KIF1B: variants seen among roughly 807,000 people sequenced by gnomAD.
KIF1B encodes kinesin-like protein KIF1B.
KIF1B carries 76 observed loss-of-function variants against 241.9 expected under a neutral mutation model. That is an observed-to-expected ratio of 0.31 (90% confidence interval 0.26 to 0.38). KIF1B has a LOEUF of 0.38. Among genes scored for constraint, KIF1B ranks in the 10% least tolerant of loss-of-function variants. The pLI, the probability that KIF1B is intolerant of heterozygous loss-of-function variation, is 1.00. For synonymous variants in KIF1B, 750 were observed against 796.7 expected (o/e 0.94, Z 0.99); for missense variants, 1,622 against 2,271.4 (o/e 0.71, Z 5.81).
intron 17 of KIF1B, among the ~76,000 whole-genome samples, chr1:10,293,194 T>C (rs1480846181): frequency 6.6e-6 from 1 of 152,072 alleles, no homozygotes; most frequent in East Asian, 1.9e-4. Flanking sequence ...AAGTATTTTA[T>C]ATGTTTATAT....
chr1:10,275,047 A>G (rs952269473), intron 10 of KIF1B: 1 of 332,426 alleles, frequency 3.0e-6, no homozygotes, highest in African/African-American at 2.2e-5. Context: ...TTAGGGGTAA[A>G]TGGAGATGAG....
At chr1:10,259,263 G>A (rs769516548) in intron 4 of KIF1B, among the ~76,000 whole-genome samples, 1 of 148,570 alleles carries the variant, frequency 6.7e-6, no homozygotes. Context: ...TTCATTATTC[G>A]TTTCACTTAG....
At chr1:10,248,565 G>A (rs942140991) in intron 2 of KIF1B, among the ~76,000 whole-genome samples, 2 of 152,076 alleles carry the variant, frequency 1.3e-5, no homozygotes, top group African/African-American at 2.4e-5. Flanking sequence ...CCAGATACTG[G>A]GACTCATCGA....
chr1:10,296,505 C>A, intron 19 of KIF1B, 77 bp from the exon 20 acceptor site: 1 of 1,219,456 alleles, frequency 8.2e-7, no homozygotes, highest in Non-Finnish European at 1.2e-6. Context: ...ACTGCAAATC[C>A]TGATAAGCAA....
intron 2 of KIF1B, among the ~76,000 whole-genome samples, chr1:10,234,022 T>C (rs1258964397): frequency 1.3e-5 from 2 of 152,178 alleles, no homozygotes; most frequent in Non-Finnish European, 2.9e-5. Context: ...GAGGGTTGTT[T>C]TCAGCACAAT....
At chr1:10,292,887 A>T (rs896287289) in intron 17 of KIF1B, among the ~76,000 whole-genome samples, 1 of 152,198 alleles carries the variant, frequency 6.6e-6, no homozygotes, top group Non-Finnish European at 1.5e-5. Flanking sequence ...GCCACTAGTA[A>T]ATTGTCCTTT....
At chr1:10,283,206 C>CAAAAA (rs33994771) in intron 15 of KIF1B, among the ~76,000 whole-genome samples, 24 of 61,562 alleles carry the variant, frequency 3.9e-4, no homozygotes, top group Non-Finnish European at 4.8e-4. Flanking sequence ...GACTCCGTCT[C>CAAAAA]AAAAAAAAAA....
In KIF1B at chr1:10,345,963, A is replaced by G. The variant is rs1474381200; in HGVS notation, c.3797+10A>G. On this transcript the variant is annotated intron_variant, in intron 35 of 48. Coordinates refer to ENST00000676179, the MANE Select transcript of KIF1B (RefSeq NM_001365951.3). The stretch of plus-strand genomic sequence containing the variant: ...TGGAGCCTACAGGAGAGTAAGTCCA[A>G]CTTAATAAATTTTTAAATAAGGCAA... 2 of 1,564,792 alleles carry G rather than the reference A, an allele frequency of 1.3e-6. No individual in the cohort carries two copies. Among genetic ancestry groups the G allele is most frequent in the Non-Finnish European group, 8.8e-7 (1 of 1,135,408 alleles).
At chr1:10,320,715 C>CTTATTTAT (rs58385105) in intron 23 of KIF1B, among the ~76,000 whole-genome samples, 72,822 of 151,342 alleles carry the variant, frequency 0.48, 17,645 homozygotes, top group Middle Eastern at 0.53. Context: ...TATTACATTT[C>CTTATTTAT]TTATTTATTT....
At chr1:10,362,123 T>C (rs770026481) in intron 40 of KIF1B, among the ~76,000 whole-genome samples, 1 of 152,188 alleles carries the variant, frequency 6.6e-6, no homozygotes, top group Non-Finnish European at 1.5e-5. Flanking sequence ...CAGAGTACCA[T>C]TGAAATTTTC....
At chr1:10,327,270 C>T (rs778542211) in intron 27 of KIF1B, among the ~76,000 whole-genome samples, 5 of 151,956 alleles carry the variant, frequency 3.3e-5, no homozygotes, top group African/African-American at 4.8e-5. Flanking sequence ...GAGGCCAAGG[C>T]GGCCGGGTCA....
chr1:10,373,278 CAG>C (rs1638797505), intron 45 of KIF1B, among the ~76,000 whole-genome samples: 2 of 98,258 alleles, frequency 2.0e-5, no homozygotes, highest in South Asian at 3.2e-4. Context: ...TTTTTTGAGA[CAG>C]AGTCTCACTC....
chr1:10,303,311 G>A lies in KIF1B; in HGVS notation c.2115+6065G>A, dbSNP rs749601291. 8 of 1,614,172 alleles carry A rather than the reference G, an allele frequency of 5.0e-6. No individual in the cohort carries two copies. The highest frequency in any genetic ancestry group is 2.2e-5 in the East Asian group (1 of 44,890). ...GGCCTCCCAAGCAGTGGGAAGAAAC[G>A]TGAACCAATTAAAATGTATCAGATA... On this transcript the variant is annotated intron_variant, in intron 22 of 48. Transcript: ENST00000676179. This position sits in a 1 kb window ranked among gnomAD's most constrained non-coding sequence, Gnocchi z 5.2.
At chr1:10,288,766 T>C (rs956705043) in intron 15 of KIF1B, among the ~76,000 whole-genome samples, 2 of 152,208 alleles carry the variant, frequency 1.3e-5, no homozygotes, top group Admixed American at 6.5e-5. Flanking sequence ...CAAACTCATA[T>C]ACTACTTTGC....
intron 45 of KIF1B, among the ~76,000 whole-genome samples, chr1:10,371,619 T>C (rs1363520254): frequency 6.6e-6 from 1 of 152,212 alleles, no homozygotes; most frequent in Non-Finnish European, 1.5e-5. Context: ...AAAAAAATAT[T>C]TTGATTCCAC....
rs1639010703 is a variant in KIF1B at position 10,381,089 on chromosome 1, G to A, written c.*4502G>A. The A allele has an allele frequency of 9.0e-6, 2 of 222,408 alleles. No individual in the cohort carries two copies. The highest frequency in any genetic ancestry group is 1.8e-5 in the Non-Finnish European group (2 of 111,250). The allele number at this position is 222,408 out of a possible 1,614,324, so 13.8% of individuals were successfully genotyped here. A position where few individuals can be genotyped will look rare whatever the true frequency, so the allele number is the denominator to read the frequency against. On this transcript the variant is annotated 3_prime_UTR_variant, in exon 49 of 49. Transcript: ENST00000676179. ...GCTGAGGTTGGTCTCTTGCCAAACC[G>A]TGGCTGTTGTGTGTTGTTCTTCATG...
intron 22 of KIF1B, among the ~76,000 whole-genome samples, chr1:10,308,801 A>G (rs1650947493): frequency 2.6e-5 from 4 of 152,210 alleles, no homozygotes; most frequent in Admixed American, 1.3e-4. Context: ...TTCTATCTTA[A>G]GTGAGATCTT....
chr1:10,242,118 A>G (rs1053694084), intron 2 of KIF1B, among the ~76,000 whole-genome samples: 6 of 152,204 alleles, frequency 3.9e-5, no homozygotes, highest in Non-Finnish European at 8.8e-5. Context: ...GAGAGCACCT[A>G]TAGGAAATTA....
In KIF1B at chr1:10,337,650, C is replaced by A; in HGVS notation, c.3422+117C>A. On this transcript the variant is annotated intron_variant, in intron 31 of 48. Transcript: ENST00000676179. The surrounding 1 kb of genome is among the most constrained non-coding windows in gnomAD (Gnocchi z 4.0). ...TAACACTCTTGAGACAAAGACTGAT[C>A]AGTCTCTGAAGGAAAATACTTTCAT... 8.5e-7 allele frequency: 1 copy of A among 1,170,138 alleles called. No homozygotes were observed. The highest frequency in any genetic ancestry group is 1.3e-6 in the Non-Finnish European group (1 of 797,136). The allele number at this position is 1,170,138 out of a possible 1,614,324, so 72.5% of individuals were successfully genotyped here. A position where few individuals can be genotyped will look rare whatever the true frequency, so the allele number is the denominator to read the frequency against.
Sources: gnomAD v4.1 joint callset for allele counts (sites outside exome capture counted in the v4.1 genomes callset) on GRCh38, gnomAD v4.1.1 for gene constraint, Gnocchi (gnomAD v3.1) non-coding constraint, MANE v1.5 for transcripts, NCBI Gene and HGNC (gene_info 2026-07-23, HGNC 2026-07-21) for gene names.